The following COL5A2 variants were observed in gnomAD, a reference collection of about 807,000 sequenced individuals.
COL5A2 encodes the protein collagen alpha-2(V) chain.
COL5A2 carries 23 observed loss-of-function variants against 208.2 expected under a neutral mutation model. The observed-to-expected ratio is 0.11, with a 90% confidence interval of 0.08 to 0.16. The LOEUF (loss-of-function observed/expected upper bound fraction) is 0.16, where lower values mean the gene tolerates loss of function less well. COL5A2 is among the 10% of genes least tolerant of loss of function. The probability of loss-of-function intolerance (pLI) is 1.00; values close to 1 mark genes in which losing one functional copy is unlikely to be tolerated. For synonymous variants in COL5A2, 625 were observed against 628.5 expected (o/e 0.99, Z 0.08); for missense variants, 1,590 against 1,956.4 (o/e 0.81, Z 3.53).
At chr2:189,207,156 T>G (rs991126176) in intron 1 of COL5A2, among the ~76,000 whole-genome samples, 1 of 152,214 alleles carries the variant, frequency 6.6e-6, no homozygotes, top group African/African-American at 2.4e-5. Flanking sequence ...TGTTTGGGTA[T>G]GCTAAATTGG....
chr2:189,280,409 C>T, the COL5A2 span, among the ~76,000 whole-genome samples: 6 of 152,108 alleles, frequency 3.9e-5, no homozygotes, highest in Admixed American at 3.3e-4. Context: ...GGTATAGGTG[C>T]TTCTACTTCC....
chr2:189,439,449 G>C, the COL5A2 span, among the ~76,000 whole-genome samples: 2 of 152,170 alleles, frequency 1.3e-5, no homozygotes, highest in African/African-American at 4.8e-5. Flanking sequence ...AAAGGAACAT[G>C]AACTGTGAGC....
At chr2:189,041,028 A>G (rs966358810) in intron 50 of COL5A2, among the ~76,000 whole-genome samples, 2 of 152,222 alleles carry the variant, frequency 1.3e-5, no homozygotes, top group Non-Finnish European at 2.9e-5. Flanking sequence ...ACAAACACGC[A>G]CATGAGTACA....
At chr2:189,039,240 G>T in intron 51 of COL5A2, 32 bp downstream of exon 51, 1 of 1,612,234 alleles carries the variant, frequency 6.2e-7, no homozygotes, top group South Asian at 1.1e-5. Context: ...AGAAACAACG[G>T]GTTTTGCTCA....
At chr2:189,128,001 G>C in intron 1 of COL5A2, among the ~76,000 whole-genome samples, 1 of 152,020 alleles carries the variant, frequency 6.6e-6, no homozygotes, top group East Asian at 1.9e-4. Flanking sequence ...AACAGAAATG[G>C]TAAGTGTAGG....
the COL5A2 span, among the ~76,000 whole-genome samples, chr2:189,297,564 T>G: frequency 1.3e-5 from 2 of 152,212 alleles, no homozygotes; most frequent in African/African-American, 2.4e-5. Context: ...ACTTACTTAT[T>G]ATTTGATGAA....
intron 30 of COL5A2, 80 bp downstream of exon 30, chr2:189,061,482 T>C: frequency 9.4e-7 from 1 of 1,058,760 alleles, no homozygotes; most frequent in Non-Finnish European, 1.5e-6. Flanking sequence ...TTTCAAATCT[T>C]CTGACCATAT....
At chr2:189,089,768 A>G (rs981488239) in intron 7 of COL5A2, among the ~76,000 whole-genome samples, 3 of 152,132 alleles carry the variant, frequency 2.0e-5, no homozygotes, top group African/African-American at 7.2e-5. Flanking sequence ...ATCTGTGTTC[A>G]GTGATCTTGA....
chr2:189,384,446 T>C, the COL5A2 span, among the ~76,000 whole-genome samples: 1 of 152,122 alleles, frequency 6.6e-6, no homozygotes, highest in African/African-American at 2.4e-5. Flanking sequence ...ATAAAAGCCA[T>C]TTTAACTAGG....
At chr2:189,330,855 T>A in the COL5A2 span, among the ~76,000 whole-genome samples, 1 of 152,216 alleles carries the variant, frequency 6.6e-6, no homozygotes, top group Non-Finnish European at 1.5e-5. Flanking sequence ...ATACCTTCAA[T>A]TTAAACTCTT....
the COL5A2 span, among the ~76,000 whole-genome samples, chr2:189,261,960 C>A: frequency 1.1e-4 from 17 of 152,108 alleles, no homozygotes; most frequent in African/African-American, 4.1e-4. Context: ...CAAGAGCATA[C>A]ACATCATAGT....
the COL5A2 span, among the ~76,000 whole-genome samples, chr2:189,268,404 T>C: frequency 1.3e-5 from 2 of 152,184 alleles, no homozygotes; most frequent in African/African-American, 4.8e-5. Flanking sequence ...CCAGACCTCA[T>C]GCTATTTTTA....
chr2:189,137,882 T>G (rs977031001), intron 1 of COL5A2, among the ~76,000 whole-genome samples: 1 of 152,190 alleles, frequency 6.6e-6, no homozygotes, highest in Non-Finnish European at 1.5e-5. Context: ...CTCAATTGTT[T>G]GATGTTAATG....
At chr2:189,404,256 A>G in the COL5A2 span, among the ~76,000 whole-genome samples, 1 of 151,998 alleles carries the variant, frequency 6.6e-6, no homozygotes, top group South Asian at 2.1e-4. Flanking sequence ...TTAAGTAAAG[A>G]AGATCTACCC....
chr2:189,359,253 AT>A, the COL5A2 span, among the ~76,000 whole-genome samples: 1 of 152,046 alleles, frequency 6.6e-6, no homozygotes, highest in African/African-American at 2.4e-5. Flanking sequence ...CTTCTTCTAT[AT>A]CTAATTTGCT....
chr2:189,349,434 A>G, the COL5A2 span, among the ~76,000 whole-genome samples: 2 of 152,322 alleles, frequency 1.3e-5, no homozygotes, highest in East Asian at 3.9e-4. Flanking sequence ...GAAAAGAACC[A>G]TAAAAACAGG....
chr2:189,196,939 G>A (rs1372417203), intron 1 of COL5A2, among the ~76,000 whole-genome samples: 9 of 152,058 alleles, frequency 5.9e-5, no homozygotes, highest in South Asian at 2.1e-4. Context: ...CAGCAATCCC[G>A]TTACTGGGTA....
intron 35 of COL5A2, chr2:189,056,730 A>G (rs965010343): frequency 1.8e-6 from 1 of 562,978 alleles, no homozygotes; most frequent in African/African-American, 1.9e-5. Flanking sequence ...GAGGGCCCCC[A>G]TCCCCTTAAG....
chr2:189,251,954 T>C, the COL5A2 span, among the ~76,000 whole-genome samples: 3 of 152,072 alleles, frequency 2.0e-5, no homozygotes, highest in African/African-American at 7.2e-5. Flanking sequence ...GGGCGAAGGA[T>C]ATGAACAGAC....
Sources: gnomAD v4.1 joint callset for allele counts (sites outside exome capture counted in the v4.1 genomes callset) on GRCh38, gnomAD v4.1.1 for gene constraint, MANE v1.5 for transcripts, NCBI Gene and HGNC (gene_info 2026-07-23, HGNC 2026-07-21) for gene names.